DPP10: variants seen among roughly 807,000 people sequenced by gnomAD.
DPP10 encodes dipeptidyl peptidase like 10, also known as inactive dipeptidyl peptidase 10.
A neutral mutation model predicts 120.9 loss-of-function variants in DPP10; 33 were observed. That is an observed-to-expected ratio of 0.27 (90% CI 0.21 to 0.37). DPP10 has a LOEUF of 0.37. Ranked by LOEUF, DPP10 falls within the 10% of genes least tolerant of loss-of-function variation. DPP10 has a pLI of 1.00. For missense variants in DPP10, 816 were observed against 942.8 expected (o/e 0.87, Z 1.76); for synonymous variants, 337 against 326.1 (o/e 1.03, Z -0.36).
chr2:114,868,176 T>C (rs755434463), intron 1 of DPP10, among the ~76,000 whole-genome samples: 7 of 152,192 alleles, frequency 4.6e-5, no homozygotes, highest in Non-Finnish European at 7.3e-5. Flanking sequence ...CACAACCTGA[T>C]GCATTTATGT....
intron 19 of DPP10, among the ~76,000 whole-genome samples, chr2:115,797,383 T>G (rs1327686143): frequency 2.0e-5 from 3 of 152,006 alleles, no homozygotes; most frequent in African/African-American, 7.2e-5. Context: ...TCCAATAACT[T>G]CCAACATCAT....
intron 1 of DPP10, among the ~76,000 whole-genome samples, chr2:114,698,558 T>G (rs1184697589): frequency 6.6e-6 from 1 of 152,102 alleles, no homozygotes; most frequent in Non-Finnish European, 1.5e-5. Context: ...GGGTCAAGTG[T>G]TTCTTGTTGA....
chr2:115,057,844 T>C (rs2105374160), intron 1 of DPP10, among the ~76,000 whole-genome samples: 1 of 152,316 alleles, frequency 6.6e-6, no homozygotes, highest in East Asian at 1.9e-4. Context: ...GGTCCAATAT[T>C]GCTTGGAAAA....
intron 1 of DPP10, among the ~76,000 whole-genome samples, chr2:115,039,123 A>C (rs1030839200): frequency 1.3e-5 from 2 of 152,208 alleles, no homozygotes; most frequent in Admixed American, 1.3e-4. Flanking sequence ...ACAACGGCAG[A>C]AAGCATGAGA....
intron 3 of DPP10, among the ~76,000 whole-genome samples, chr2:115,382,264 GC>G (rs1414594924): frequency 2.6e-5 from 4 of 152,158 alleles, no homozygotes; most frequent in Non-Finnish European, 5.9e-5. Flanking sequence ...CTCCTGGTGT[GC>G]TGTTTTTTAA....
rs758742479 is a variant in DPP10, at chr2:115,842,339, T to G, written c.2385T>G (p.Asp795Glu). 3 of 1,613,600 alleles carry G rather than the reference T, an allele frequency of 1.9e-6. No homozygotes were observed. The highest frequency in any genetic ancestry group is 1.7e-6 in the Non-Finnish European group (2 of 1,179,824). Residue 795 changes from aspartate (D) to glutamate (E), a missense_variant, in exon 26 of 26, where the codon GAT (aspartate) becomes GAG (glutamate). Around this residue, in one of 3 missense-constraint regions of DPP10, gnomAD observed 592 missense variants for 649.0 expected, o/e 0.91. Transcript: ENST00000410059. Reference sequence around the variant, plus strand: ...TGCTACCACAGGAACCAGAAGAAGATGAATAATGGACTGTATTTATACAGA... The same window carrying G: ...TGCTACCACAGGAACCAGAAGAAGAGGAATAATGGACTGTATTTATACAGA... ...ISVLPQEPEE[D>E]E
At chr2:114,742,580 C>CAT (rs1160361955) in intron 1 of DPP10, among the ~76,000 whole-genome samples, 4 of 152,164 alleles carry the variant, frequency 2.6e-5, no homozygotes, top group Non-Finnish European at 4.4e-5. Flanking sequence ...TTTGATTCAG[C>CAT]ATATACTAAT....
rs1163200619 is a variant in DPP10, at chr2:115,594,271, A to T, written c.441+68299A>T. 2.6e-5 allele frequency among the ~76,000 whole-genome samples: 4 copies of T among 152,340 alleles called. No homozygotes were observed. The East Asian group carries it at 5.8e-4, about 22-fold the overall frequency. ...GATTCTTACTCAACTTACACAAATA[A>T]CTATATTGCCATGAATTAAGAATAC... On this transcript the variant is annotated intron_variant, in intron 5 of 25. Coordinates refer to ENST00000410059, the MANE Select transcript of DPP10 (RefSeq NM_020868.6).
chr2:114,860,940 T>G (rs1050910924), intron 1 of DPP10, among the ~76,000 whole-genome samples: 4 of 152,244 alleles, frequency 2.6e-5, no homozygotes, highest in Non-Finnish European at 5.9e-5. Flanking sequence ...CTTATGCTTA[T>G]ATAAGCAAAT....
intron 5 of DPP10, among the ~76,000 whole-genome samples, chr2:115,554,152 A>T (rs2080063421): frequency 6.6e-6 from 1 of 151,816 alleles, no homozygotes; most frequent in African/African-American, 2.4e-5. Flanking sequence ...TTCTACCTAG[A>T]ATTTTGACCC....
intron 3 of DPP10, among the ~76,000 whole-genome samples, chr2:115,425,327 A>G (rs2070357000): frequency 1.3e-5 from 2 of 152,132 alleles, no homozygotes; most frequent in South Asian, 4.2e-4. Flanking sequence ...ACTTTCAACT[A>G]AGTACTATTG....
chr2:115,407,002 G>A (rs1245578916), intron 3 of DPP10, among the ~76,000 whole-genome samples: 1 of 152,068 alleles, frequency 6.6e-6, no homozygotes, highest in Non-Finnish European at 1.5e-5. Context: ...GACGGGGAGT[G>A]GAATTTATTG....
At chr2:115,289,478 A>C (rs2060554202) in intron 1 of DPP10, among the ~76,000 whole-genome samples, 1 of 106,770 alleles carries the variant, frequency 9.4e-6, no homozygotes, top group Non-Finnish European at 1.8e-5. Context: ...TAAAATTCAT[A>C]AGAAACCAAA....
At chr2:115,331,359 C>T (rs2062719113) in intron 2 of DPP10, among the ~76,000 whole-genome samples, 1 of 152,182 alleles carries the variant, frequency 6.6e-6, no homozygotes, top group Non-Finnish European at 1.5e-5. Flanking sequence ...ACAATGATGT[C>T]ATCTGCAAAC....
intron 1 of DPP10, among the ~76,000 whole-genome samples, chr2:115,056,339 A>G (rs1705908574): frequency 1.3e-5 from 2 of 152,108 alleles, no homozygotes; most frequent in Non-Finnish European, 2.9e-5. Context: ...GGGTCACTGA[A>G]GGCACACCAT....
At chr2:114,486,339 A>T (rs1044194989) in intron 1 of DPP10, among the ~76,000 whole-genome samples, 2 of 152,228 alleles carry the variant, frequency 1.3e-5, no homozygotes, top group African/African-American at 2.4e-5. Flanking sequence ...TTACAAGAAA[A>T]ATAAAATACA....
chr2:115,285,136 T>C (rs931554237), intron 1 of DPP10, among the ~76,000 whole-genome samples: 3 of 152,050 alleles, frequency 2.0e-5, no homozygotes, highest in East Asian at 3.9e-4. Flanking sequence ...ACTTCAGGAA[T>C]TTAGTGATAA....
intron 5 of DPP10, among the ~76,000 whole-genome samples, chr2:115,537,563 GTTTT>G (rs11392457): frequency 1.6e-5 from 2 of 128,628 alleles, no homozygotes; most frequent in African/African-American, 5.8e-5. Flanking sequence ...ACACATCACT[GTTTT>G]TTTTTTTTTT....
intron 4 of DPP10, among the ~76,000 whole-genome samples, 153 bp from the exon 5 acceptor site, chr2:115,525,745 T>TCATA (rs752744631): frequency 1.1e-4 from 16 of 152,220 alleles, no homozygotes; most frequent in Non-Finnish European, 1.8e-4. Flanking sequence ...ATCTGAATAA[T>TCATA]CATACATACA....
Sources: allele counts gnomAD v4.1 joint callset (sites outside exome capture counted in the v4.1 genomes callset), GRCh38; gene constraint gnomAD v4.1.1; regional missense constraint gnomAD v4.1.1; transcripts MANE v1.5; gene names NCBI Gene and HGNC (gene_info 2026-07-23, HGNC 2026-07-21).